The following GRM1 variants were observed in gnomAD, a reference collection of about 807,000 sequenced individuals.
The protein encoded by GRM1 is glutamate metabotropic receptor 1, also known as metabotropic glutamate receptor 1.
Under a neutral mutation model 90.9 loss-of-function variants are expected in GRM1, and 33 were observed. The ratio of observed to expected loss-of-function variants is 0.36; its 90% CI spans 0.28 to 0.49. The LOEUF (loss-of-function observed/expected upper bound fraction) is 0.49, where lower values mean the gene tolerates loss of function less well. Among genes scored for constraint, GRM1 ranks in the 20% least tolerant of loss-of-function variants. GRM1 has a pLI of 0.99. For missense variants in GRM1, 1,190 were observed against 1,534.3 expected, an observed-to-expected ratio of 0.78 and a Z score of 3.75; for synonymous variants, 700 against 613.2, an observed-to-expected ratio of 1.14 and a Z score of -2.09.
At chr6:146,154,250 A>T (rs1241128998) in intron 1 of GRM1, among the ~76,000 whole-genome samples, 1 of 152,190 alleles carries the variant, frequency 6.6e-6, no homozygotes, top group Non-Finnish European at 1.5e-5. Flanking sequence ...CAATCTTCTG[A>T]CAGGCCGACA....
chr6:146,136,525 G>C (rs1181029257), intron 1 of GRM1, among the ~76,000 whole-genome samples: 1 of 152,154 alleles, frequency 6.6e-6, no homozygotes, highest in Non-Finnish European at 1.5e-5. Context: ...CTGATAACCA[G>C]TGATGTTGAA....
chr6:146,327,389 T>C (rs1784431418), intron 3 of GRM1, among the ~76,000 whole-genome samples: 1 of 152,128 alleles, frequency 6.6e-6, no homozygotes. Context: ...GAACCCCCAA[T>C]GTCCAAAAGA....
At chr6:146,242,812 G>A (rs548403333) in intron 2 of GRM1, among the ~76,000 whole-genome samples, 27 of 152,122 alleles carry the variant, frequency 1.8e-4, no homozygotes, top group Non-Finnish European at 3.1e-4. Context: ...CTTTAAAAAA[G>A]AATTTTACAG....
At chr6:146,078,914 G>T (rs1776274450) in intron 1 of GRM1, among the ~76,000 whole-genome samples, 1 of 152,188 alleles carries the variant, frequency 6.6e-6, no homozygotes, top group Non-Finnish European at 1.5e-5. Context: ...GAAAGATGAG[G>T]CTCGCAGACA....
intron 7 of GRM1, chr6:146,426,413 A>G (rs1027682760): frequency 7.5e-6 from 5 of 665,642 alleles, no homozygotes; most frequent in Non-Finnish European, 1.3e-5. Context: ...ACAGCCAGGC[A>G]GAGCAAGGAC....
intron 1 of GRM1, among the ~76,000 whole-genome samples, chr6:146,090,256 A>T (rs1191758474): frequency 6.6e-6 from 1 of 152,104 alleles, no homozygotes. Context: ...AGTCTTCATG[A>T]TGCCAATAGG....
intron 1 of GRM1, among the ~76,000 whole-genome samples, chr6:146,142,162 G>T (rs1185724744): frequency 6.6e-6 from 1 of 152,156 alleles, no homozygotes; most frequent in Non-Finnish European, 1.5e-5. Flanking sequence ...CCTCATAGAG[G>T]TACCACCTTG....
intron 1 of GRM1, among the ~76,000 whole-genome samples, chr6:146,122,509 C>CAGAAAATCA (rs1776029165): frequency 6.6e-6 from 1 of 150,928 alleles, no homozygotes; most frequent in African/African-American, 2.4e-5. Flanking sequence ...CTGCTTCTTA[C>CAGAAAATCA]TTTTCTCTTG....
At chr6:146,108,790 C>A (rs568069321) in intron 1 of GRM1, among the ~76,000 whole-genome samples, 27 of 152,252 alleles carry the variant, frequency 1.8e-4, no homozygotes, top group Middle Eastern at 3.4e-3. Context: ...GACCAAAATG[C>A]TAATAATGAT....
Position 146,386,892 on chromosome 6 carries a change from T to C in GRM1, c.1605T>C (p.Val535=). 6.2e-7 allele frequency: 1 copy of C among 1,607,318 alleles called. No individual in the cohort carries two copies. Among genetic ancestry groups the C allele is most frequent in the Non-Finnish European group, 8.5e-7 (1 of 1,174,096 alleles). ...SEPCLKGQIK[V]IRKGEVSCCW... ...TTCATGAAATATCTATGTTATAGGT[T>C]ATACGGAAAGGAGAAGTGAGCTGCT... The change falls in exon 6 of 8, where the codon GTT becomes GTC. Residue 535 remains valine, a splice_region_variant and synonymous_variant. Transcript: ENST00000282753.
chr6:146,084,922 T>C (rs901291912), intron 1 of GRM1, among the ~76,000 whole-genome samples: 6 of 152,282 alleles, frequency 3.9e-5, no homozygotes, highest in African/African-American at 1.2e-4. Context: ...TTCCTATTTT[T>C]TTCTAGATTA....
chr6:146,186,197 C>T (rs1034630431), intron 2 of GRM1, among the ~76,000 whole-genome samples: 6 of 150,300 alleles, frequency 4.0e-5, no homozygotes, highest in Non-Finnish European at 5.9e-5. Flanking sequence ...AAGCTGGTCT[C>T]GAACTCCTGA....
chr6:146,243,669 T>C, intron 2 of GRM1, among the ~76,000 whole-genome samples: 1 of 152,012 alleles, frequency 6.6e-6, no homozygotes, highest in East Asian at 1.9e-4. Flanking sequence ...GGGGTGAAAT[T>C]AAAAATGCTA....
Position 146,029,800 on chromosome 6 carries a change from C to G in GRM1, c.283C>G (p.Leu95Val). 1 of 1,614,134 alleles carries G rather than the reference C, an allele frequency of 6.2e-7. No homozygotes were observed. Among genetic ancestry groups the G allele is most frequent in the Non-Finnish European group, 8.5e-7 (1 of 1,180,012 alleles). The change falls in exon 1 of 8, where the codon CTC becomes GTC. Residue 95 changes from leucine to valine, a missense_variant. Around this residue, in one of 10 missense-constraint regions of GRM1, gnomAD observed 91 missense variants for 95.6 expected, o/e 0.95. Coordinates refer to ENST00000282753, the MANE Select transcript of GRM1 (RefSeq NM_001278064.2). ...TLDKINADPV[L>V]LPNITLGSEI... is the part of the protein sequence containing the mutation. ...GGATAAGATCAACGCGGACCCGGTC[C>G]TCCTGCCCAACATCACCCTGGGCAG...
Position 146,188,426 on chromosome 6 carries a change from C to G in GRM1, c.950+28829C>G, listed in dbSNP as rs572480141. Among the ~76,000 whole-genome samples, 16 of 152,242 alleles carry G rather than the reference C, an allele frequency of 1.1e-4. 1 individual carries two copies. In the South Asian group the frequency reaches 3.1e-3, roughly 30 times the overall value. On this transcript the variant is annotated intron_variant, in intron 2 of 7. Coordinates refer to ENST00000282753, the MANE Select transcript of GRM1 (RefSeq NM_001278064.2). ...TTTCTCTTCCAAGAGAATGGCAATT[C>G]TCTATTGCTACCTCAGTTGCCACAG...
At chr6:146,329,072 C>A (rs1350424352) in intron 3 of GRM1, among the ~76,000 whole-genome samples, 1 of 152,184 alleles carries the variant, frequency 6.6e-6, no homozygotes, top group East Asian at 1.9e-4. Flanking sequence ...CATCTTTGAT[C>A]TCCTCCTGAG....
chr6:146,391,242 G>C (rs1209581210), intron 6 of GRM1, among the ~76,000 whole-genome samples: 1 of 151,990 alleles, frequency 6.6e-6, no homozygotes, highest in Non-Finnish European at 1.5e-5. Flanking sequence ...CCTAACATTT[G>C]ATTCAAAAAT....
At chr6:146,366,862 G>A (rs567870738) in intron 5 of GRM1, among the ~76,000 whole-genome samples, 2 of 152,170 alleles carry the variant, frequency 1.3e-5, no homozygotes, top group African/African-American at 4.8e-5. Flanking sequence ...TCTCTTCACT[G>A]TGTTAATTGT....
intron 2 of GRM1, among the ~76,000 whole-genome samples, chr6:146,227,207 C>T (rs923502810): frequency 9.2e-5 from 14 of 151,780 alleles, no homozygotes; most frequent in Admixed American, 2.0e-4. Context: ...TAGTATATAA[C>T]GTGTGTGTGT....
Sources: allele counts gnomAD v4.1 joint callset (sites outside exome capture counted in the v4.1 genomes callset), GRCh38; gene constraint gnomAD v4.1.1; regional missense constraint gnomAD v4.1.1; transcripts MANE v1.5; gene names NCBI Gene and HGNC (gene_info 2026-07-23, HGNC 2026-07-21).